Variants in AUTS2 observed in about 807,000 individuals in gnomAD.
AUTS2 encodes autism susceptibility gene 2 protein.
A neutral mutation model predicts 112.4 loss-of-function variants in AUTS2; 17 were observed. That is an observed-to-expected ratio of 0.15 (90% CI 0.10 to 0.23). The LOEUF (loss-of-function observed/expected upper bound fraction) is 0.23, where lower values mean the gene tolerates loss of function less well. AUTS2 is among the 10% of genes least tolerant of loss of function. AUTS2 has a pLI of 1.00. For missense variants in AUTS2, 1,510 were observed against 1,701.6 expected, an observed-to-expected ratio of 0.89 and a Z score of 1.98; for synonymous variants, 751 against 702.7, an observed-to-expected ratio of 1.07 and a Z score of -1.09.
At chr7:69,791,153 A>G (rs1333361698) in intron 1 of AUTS2, among the ~76,000 whole-genome samples, 1 of 152,204 alleles carries the variant, frequency 6.6e-6, no homozygotes, top group Non-Finnish European at 1.5e-5. Flanking sequence ...TAATGGCCCT[A>G]AATTGCTGAC....
At chr7:69,636,343 G>C (rs1794518887) in intron 1 of AUTS2, among the ~76,000 whole-genome samples, 1 of 152,158 alleles carries the variant, frequency 6.6e-6, no homozygotes. Context: ...CGATTCTCCT[G>C]CTGCAGCCTC....
At chr7:70,117,115 TTGTTTTTTTTTGTTTTTTTTTG>T (rs1023480614) in intron 2 of AUTS2, among the ~76,000 whole-genome samples, 1 of 121,106 alleles carries the variant, frequency 8.3e-6, no homozygotes, top group African/African-American at 3.6e-5. Context: ...TTTTTTTTTT[TTGTTTTTTTTTGTTTTTTTTTG>T]TTTTTTTTTT....
At chr7:70,432,026 G>C (rs1795692918) in intron 4 of AUTS2, among the ~76,000 whole-genome samples, 1 of 152,188 alleles carries the variant, frequency 6.6e-6, no homozygotes, top group Admixed American at 6.5e-5. Flanking sequence ...GTAAGGCCTA[G>C]TTGTTTCTTT....
At chr7:70,059,381 CCA>C (rs1451791379) in intron 2 of AUTS2, among the ~76,000 whole-genome samples, 1 of 152,106 alleles carries the variant, frequency 6.6e-6, no homozygotes, top group African/African-American at 2.4e-5. Context: ...CCTGGATGTT[CCA>C]CAGTTTATTT....
At chr7:69,892,319 G>A (rs1254660837) in intron 1 of AUTS2, among the ~76,000 whole-genome samples, 4 of 151,466 alleles carry the variant, frequency 2.6e-5, no homozygotes, top group South Asian at 2.1e-4. Context: ...CTATAGGCGC[G>A]TACCACCACA....
chr7:70,178,377 CATT>C (rs1809109541), intron 4 of AUTS2, among the ~76,000 whole-genome samples: 1 of 152,052 alleles, frequency 6.6e-6, no homozygotes, highest in South Asian at 2.1e-4. Flanking sequence ...TTTCCTTAGT[CATT>C]ATTGACATCA....
chr7:69,986,234 A>G (rs1464650411), intron 2 of AUTS2, among the ~76,000 whole-genome samples: 1 of 152,224 alleles, frequency 6.6e-6, no homozygotes, highest in Non-Finnish European at 1.5e-5. Flanking sequence ...TAGGGATGTT[A>G]TTAACTGTTA....
chr7:69,694,854 A>G (rs541545847), intron 1 of AUTS2, among the ~76,000 whole-genome samples: 2 of 152,192 alleles, frequency 1.3e-5, no homozygotes, highest in Non-Finnish European at 2.9e-5. Flanking sequence ...TACTTTTTCT[A>G]GCTTTGCAAA....
At chr7:70,513,661 G>T (rs3113276) in intron 5 of AUTS2, among the ~76,000 whole-genome samples, 145,734 of 150,948 alleles carry the variant, frequency 0.97, 70,395 homozygotes, top group East Asian at 1. Flanking sequence ...CTACTTTTCT[G>T]TTTCCTTTTT....
At chr7:69,733,695 G>A (rs1245841707) in intron 1 of AUTS2, among the ~76,000 whole-genome samples, 18 of 152,170 alleles carry the variant, frequency 1.2e-4, no homozygotes, top group Admixed American at 7.9e-4. Context: ...TGCCTCGCAT[G>A]TAAGCCACCA....
chr7:70,218,966 T>G (rs1811322396), intron 4 of AUTS2, among the ~76,000 whole-genome samples: 1 of 152,214 alleles, frequency 6.6e-6, no homozygotes, highest in South Asian at 2.1e-4. Context: ...GTAGTAAGAT[T>G]TAGAGTACTA....
intron 1 of AUTS2, among the ~76,000 whole-genome samples, chr7:69,697,476 G>T (rs553213665): frequency 6.6e-6 from 1 of 152,340 alleles, no homozygotes; most frequent in South Asian, 2.1e-4. Context: ...TTCAATATGA[G>T]AAGTGCTGTG....
chr7:69,916,686 C>T (rs1223000968), intron 2 of AUTS2, among the ~76,000 whole-genome samples: 1 of 152,152 alleles, frequency 6.6e-6, no homozygotes, highest in Non-Finnish European at 1.5e-5. Context: ...AAGTCAAACT[C>T]CTCTTCCCCT....
At chr7:70,021,228 C>T (rs1351623536) in intron 2 of AUTS2, among the ~76,000 whole-genome samples, 5 of 152,110 alleles carry the variant, frequency 3.3e-5, no homozygotes, top group Non-Finnish European at 5.9e-5. Context: ...GTGATCCGCC[C>T]GCCTTGGCCT....
At chr7:69,877,975 A>G (rs1324780309) in intron 1 of AUTS2, among the ~76,000 whole-genome samples, 1 of 152,104 alleles carries the variant, frequency 6.6e-6, no homozygotes, top group Non-Finnish European at 1.5e-5. Context: ...GGAGCCATGG[A>G]TCTTCCTAGG....
At position 69,957,930 on chromosome 7, in the gene AUTS2, G is replaced by C. The variant is rs937308434; in HGVS notation, c.522+58432G>C. Among the ~76,000 whole-genome samples the C allele has an allele frequency of 3.9e-5, 6 of 152,234 alleles. No homozygotes were observed. The East Asian group carries it at 1.2e-3, about 29-fold the overall frequency. ...TGGGCTGGAATTCAGCACCCTTTCA[G>C]CCCTTCATCCTTCTGCAAGTGTAGC... On this transcript the variant is annotated intron_variant, in intron 2 of 18. Coordinates refer to ENST00000342771, the MANE Select transcript of AUTS2 (RefSeq NM_015570.4).
chr7:70,383,578 C>T (rs1415417380), intron 4 of AUTS2, among the ~76,000 whole-genome samples: 1 of 152,196 alleles, frequency 6.6e-6, no homozygotes, highest in African/African-American at 2.4e-5. Context: ...ATCTTTGAGG[C>T]ATTCTTCGCA....
intron 5 of AUTS2, among the ~76,000 whole-genome samples, chr7:70,564,408 C>T (rs558391141): frequency 1.3e-5 from 2 of 152,294 alleles, no homozygotes; most frequent in South Asian, 4.1e-4. Context: ...TCTTTATCAT[C>T]ATCTTTTGAA....
chr7:70,303,415 CACACACACGCGCGCGCGCGCACAT>C (rs1339428081), intron 4 of AUTS2, among the ~76,000 whole-genome samples: 1 of 136,672 alleles, frequency 7.3e-6, no homozygotes, highest in Non-Finnish European at 1.6e-5. Context: ...TGTGCACGCA[CACACACACGCGCGCGCGCGCACAT>C]ACACACACAC....
Sources: allele counts gnomAD v4.1 joint callset (sites outside exome capture counted in the v4.1 genomes callset), GRCh38; gene constraint gnomAD v4.1.1; transcripts MANE v1.5; gene names NCBI Gene and HGNC (gene_info 2026-07-23, HGNC 2026-07-21).